The following SGK1 variants were observed in gnomAD, a reference collection of about 807,000 sequenced individuals.
The protein encoded by SGK1 is serum/glucocorticoid regulated kinase 1, also known as serine/threonine-protein kinase Sgk1.
A neutral mutation model predicts 64.2 loss-of-function variants in SGK1; 26 were observed. The ratio of observed to expected loss-of-function variants is 0.40; its 90% CI spans 0.30 to 0.56. The LOEUF is 0.56. Among genes scored for constraint, SGK1 ranks in the 20% least tolerant of loss-of-function variants. The pLI is 0.38. For synonymous variants in SGK1, 265 were observed against 239.7 expected (o/e 1.11, Z -0.98); for missense variants, 519 against 645.6 (o/e 0.80, Z 2.12).
intron 2 of SGK1, among the ~76,000 whole-genome samples, chr6:134,224,846 C>T (rs1356832365): frequency 1.3e-5 from 2 of 148,996 alleles, no homozygotes; most frequent in Non-Finnish European, 3.0e-5. Context: ...CATGGTGAAA[C>T]CCCATCTCTA....
intron 1 of SGK1, among the ~76,000 whole-genome samples, chr6:134,285,477 CAAA>C (rs778766999): frequency 2.2e-3 from 150 of 68,478 alleles, no homozygotes; most frequent in African/African-American, 6.9e-3. Flanking sequence ...GACTCTGCCT[CAAA>C]AAAAAAAAAA....
At chr6:134,210,249 T>A (rs1355790843) in intron 2 of SGK1, among the ~76,000 whole-genome samples, 1 of 152,216 alleles carries the variant, frequency 6.6e-6, no homozygotes, top group Non-Finnish European at 1.5e-5. Flanking sequence ...ATACCATATG[T>A]GACAACGTGG....
chr6:134,189,322 A>G (rs1270730091), intron 3 of SGK1, among the ~76,000 whole-genome samples: 1 of 152,100 alleles, frequency 6.6e-6, no homozygotes, highest in Non-Finnish European at 1.5e-5. Context: ...CATTTCACAG[A>G]AGATACAAAT....
chr6:134,188,914 T>C (rs546603541), intron 3 of SGK1, among the ~76,000 whole-genome samples: 50 of 146,130 alleles, frequency 3.4e-4, no homozygotes, highest in African/African-American at 7.1e-4. Flanking sequence ...TTTTCTTTTT[T>C]TTTTTTTTTT....
At chr6:134,192,871 A>G (rs1444812660) in intron 3 of SGK1, among the ~76,000 whole-genome samples, 2 of 152,080 alleles carry the variant, frequency 1.3e-5, no homozygotes, top group East Asian at 1.9e-4. Context: ...TCCACCCACT[A>G]TTAACCCCTT....
At chr6:134,176,546 G>T (rs926651821) in intron 3 of SGK1, among the ~76,000 whole-genome samples, 2 of 152,188 alleles carry the variant, frequency 1.3e-5, no homozygotes, top group African/African-American at 2.4e-5. Context: ...CGGCGACTGG[G>T]CCCGGAGCGG....
intron 11 of SGK1, chr6:134,171,403 G>C (rs377197471): frequency 3.3e-6 from 2 of 610,644 alleles, no homozygotes; most frequent in South Asian, 4.0e-5. Context: ...GTTAATAAGT[G>C]GTAGTTTTTC....
At chr6:134,244,055 G>A (rs968215029) in intron 2 of SGK1, among the ~76,000 whole-genome samples, 7 of 152,090 alleles carry the variant, frequency 4.6e-5, no homozygotes, top group East Asian at 3.9e-4. Flanking sequence ...GCATACACAT[G>A]CCATGGTGAT....
In SGK1 at chr6:134,170,853, C is replaced by G; in HGVS notation, c.1386G>C (p.Lys462Asn). The G allele has an allele frequency of 6.2e-7, 1 of 1,610,252 alleles. No individual in the cohort carries two copies. The highest frequency in any genetic ancestry group is 1.3e-5 in the African/African-American group (1 of 74,968). ...LINWDDLINKKITPPFNPNVS... is the reference protein window; with the variant it reads ...LINWDDLINKNITPPFNPNVS... The stretch of plus-strand genomic sequence containing the variant: ...CATTTGGGTTAAAAGGGGGAGTAAT[C>G]TTCTTATTAATGAGATCATCCCAGT... The change falls in exon 13 of 14, where the codon AAG becomes AAC. Residue 462 changes from lysine (K) to asparagine (N), a missense_variant. Lys to Asn is a moderately conservative substitution (Grantham distance 94). Transcript: ENST00000367858.
At chr6:134,174,949 TCGCCTCGCCCCTCGCCCCGCCCCGGC>T in intron 3 of SGK1, 2 of 1,437,874 alleles carry the variant, frequency 1.4e-6, no homozygotes, top group South Asian at 1.4e-5. Context: ...GCCCCGCCCT[TCGCCTCGCCCCTCGCCCCGCCCCGGC>T]CGCCTCGCGG....
chr6:134,266,487 C>T (rs1776856112), intron 1 of SGK1, among the ~76,000 whole-genome samples: 1 of 151,964 alleles, frequency 6.6e-6, no homozygotes, highest in Non-Finnish European at 1.5e-5. Context: ...TGGTGGTGCA[C>T]ACCCGTAACC....
At chr6:134,270,586 T>C (rs1166583062) in intron 1 of SGK1, among the ~76,000 whole-genome samples, 1 of 148,276 alleles carries the variant, frequency 6.7e-6, no homozygotes, top group Non-Finnish European at 1.5e-5. Flanking sequence ...GAGTGACTTT[T>C]AGAATTCCCT....
intron 2 of SGK1, 97 bp downstream of exon 2, chr6:134,261,836 A>G (rs1234171462): frequency 3.4e-6 from 3 of 877,024 alleles, no homozygotes; most frequent in African/African-American, 3.3e-5. Flanking sequence ...ATATGCATTA[A>G]AAAATTATTT....
At chr6:134,308,051 TAA>T (rs1180824458) in intron 1 of SGK1, among the ~76,000 whole-genome samples, 1 of 152,222 alleles carries the variant, frequency 6.6e-6, no homozygotes, top group African/African-American at 2.4e-5. Context: ...GATTCTTTTT[TAA>T]TGTCTTTATT....
Position 134,186,825 on chromosome 6 carries a change from T to G in SGK1, c.362-12239A>C, listed in dbSNP as rs9493849. ...ATACACTTCTGGGTTTTTTTTTTGG[T>G]TTTTTTTTTGAGACGCAGTCTCACT... On this transcript the variant is annotated intron_variant, in intron 3 of 13. Transcript: ENST00000367858. Among the ~76,000 whole-genome samples the G allele has an allele frequency of 7.8e-3, 1,155 of 148,174 alleles. 13 individuals carry two copies. The highest frequency in any genetic ancestry group is 0.027 in the African/African-American group (1,096 of 39,984).
At chr6:134,276,919 G>A (rs1777026682) in intron 1 of SGK1, among the ~76,000 whole-genome samples, 1 of 152,142 alleles carries the variant, frequency 6.6e-6, no homozygotes, top group East Asian at 1.9e-4. Context: ...GCATGGTGGT[G>A]TGTGCCTGTA....
Position 134,192,109 on chromosome 6 carries a change from G to A in SGK1, c.361+15247C>T, listed in dbSNP as rs367711220. Among the ~76,000 whole-genome samples, 7 of 151,674 alleles carry A rather than the reference G, an allele frequency of 4.6e-5. No homozygotes were observed. In the East Asian group the frequency reaches 1.2e-3, roughly 25 times the overall value. ...GTCCTAAAGTGCTGGGATTACAGGC[G>A]TGAGCCACCGCGCCCGGCCCTGATT... On this transcript the variant is annotated intron_variant, in intron 3 of 13. Coordinates refer to ENST00000367858, the MANE Select transcript of SGK1 (RefSeq NM_001143676.3).
intron 3 of SGK1, among the ~76,000 whole-genome samples, chr6:134,176,986 C>T (rs952309527): frequency 1.3e-5 from 2 of 152,176 alleles, no homozygotes; most frequent in African/African-American, 4.8e-5. Flanking sequence ...GAGGCCAAGG[C>T]GGGCGGATCA....
chr6:134,278,235 C>T (rs1240751089), intron 1 of SGK1, among the ~76,000 whole-genome samples: 3 of 152,210 alleles, frequency 2.0e-5, no homozygotes, highest in African/African-American at 7.2e-5. Context: ...CAGTCACATT[C>T]TTCCATAACT....
Sources: gnomAD v4.1 joint callset for allele counts (sites outside exome capture counted in the v4.1 genomes callset) on GRCh38, gnomAD v4.1.1 for gene constraint, MANE v1.5 for transcripts, NCBI Gene and HGNC (gene_info 2026-07-23, HGNC 2026-07-21) for gene names.